GRM5: variants seen among roughly 807,000 people sequenced by gnomAD.
GRM5 encodes glutamate metabotropic receptor 5.
A neutral mutation model predicts 83.1 loss-of-function variants in GRM5; 19 were observed. That is an observed-to-expected ratio of 0.23 (90% CI 0.16 to 0.34). The LOEUF is 0.34. Among genes scored for constraint, GRM5 ranks in the 10% least tolerant of loss-of-function variants. The pLI is 1.00. For missense variants in GRM5, 1,160 were observed against 1,588.3 expected (o/e 0.73, Z 4.58); for synonymous variants, 675 against 633.6 (o/e 1.07, Z -0.98).
At position 88,949,387 on chromosome 11, in the gene GRM5, C is replaced by A. The variant is rs142898802; in HGVS notation, c.661+97825G>T. Among the ~76,000 whole-genome samples the A allele has an allele frequency of 1.2e-3, 180 of 152,324 alleles. 4 individuals carry two copies. The East Asian group carries it at 0.032, about 27-fold the overall frequency. ...TTCATTACTGTAATTCTTATGAAGG[C>A]AATACATTGTTCTACTTGATTCCCA... On this transcript the variant is annotated intron_variant, in intron 2 of 9. Coordinates refer to ENST00000305447, the MANE Select transcript of GRM5 (RefSeq NM_001143831.3).
chr11:88,827,191 A>T (rs1943907677), intron 3 of GRM5, among the ~76,000 whole-genome samples: 1 of 152,302 alleles, frequency 6.6e-6, no homozygotes, highest in South Asian at 2.1e-4. Flanking sequence ...CTATGTAAGT[A>T]ATTTAATCAA....
intron 3 of GRM5, among the ~76,000 whole-genome samples, chr11:88,729,836 A>T (rs549589896): frequency 2.0e-5 from 3 of 152,254 alleles, no homozygotes; most frequent in African/African-American, 7.2e-5. Context: ...TATGTAGAAA[A>T]CTAAAACTGG....
intron 2 of GRM5, among the ~76,000 whole-genome samples, chr11:88,898,408 G>A (rs947880): frequency 1.3e-5 from 2 of 151,842 alleles, no homozygotes; most frequent in African/African-American, 4.8e-5. Flanking sequence ...TTTTGGAGGC[G>A]GGAACATAAT....
At chr11:88,651,314 G>A (rs926944754) in intron 4 of GRM5, among the ~76,000 whole-genome samples, 2 of 152,034 alleles carry the variant, frequency 1.3e-5, no homozygotes, top group African/African-American at 4.8e-5. Context: ...AAAGAAAGAG[G>A]GTGCAGGCCA....
chr11:88,803,953 C>CTA (rs1438232138), intron 3 of GRM5, among the ~76,000 whole-genome samples: 4 of 151,866 alleles, frequency 2.6e-5, no homozygotes, highest in African/African-American at 9.7e-5. Flanking sequence ...CATCACTGGC[C>CTA]ATCAGAGAAA....
chr11:88,536,701 C>T (rs944153483), intron 8 of GRM5, among the ~76,000 whole-genome samples: 5 of 152,096 alleles, frequency 3.3e-5, no homozygotes, highest in Non-Finnish European at 7.4e-5. Context: ...CTTTAGTGAT[C>T]ACCCAGAAAC....
chr11:88,862,044 G>A (rs1944573420), intron 2 of GRM5, among the ~76,000 whole-genome samples: 1 of 152,108 alleles, frequency 6.6e-6, no homozygotes, highest in South Asian at 2.1e-4. Context: ...GAATCATTGT[G>A]TATAGCAGCT....
At chr11:88,902,109 T>C (rs1419943428) in intron 2 of GRM5, among the ~76,000 whole-genome samples, 1 of 152,110 alleles carries the variant, frequency 6.6e-6, no homozygotes, top group Non-Finnish European at 1.5e-5. Context: ...CTTTTCTCTT[T>C]CTGGCTTAGG....
intron 3 of GRM5, among the ~76,000 whole-genome samples, chr11:88,807,638 T>A (rs1590872869): frequency 6.6e-6 from 1 of 152,076 alleles, no homozygotes. Flanking sequence ...TAACTACAAG[T>A]TATCATTGGT....
At chr11:88,988,985 G>C (rs971192643) in intron 2 of GRM5, among the ~76,000 whole-genome samples, 1 of 149,510 alleles carries the variant, frequency 6.7e-6, no homozygotes, top group African/African-American at 2.5e-5. Context: ...ACATCATAAT[G>C]ACAGGATCAA....
At chr11:88,793,439 T>A (rs911466194) in intron 3 of GRM5, among the ~76,000 whole-genome samples, 3 of 152,180 alleles carry the variant, frequency 2.0e-5, no homozygotes, top group Non-Finnish European at 4.4e-5. Context: ...AACATGGGAA[T>A]AACTCATTGA....
rs186282973 is a variant in GRM5 at position 89,032,013 on chromosome 11, A to G, written c.661+15199T>C. Among the ~76,000 whole-genome samples the G allele has an allele frequency of 3.8e-3, 583 of 152,216 alleles. 2 individuals carry two copies. The highest frequency in any genetic ancestry group is 0.013 in the African/African-American group (546 of 41,572). On this transcript the variant is annotated intron_variant, in intron 2 of 9. Transcript: ENST00000305447. ...CTGCCTATTATATACTACACATCAT[A>G]AATATTGCATACATATTTTTAAAAA...
chr11:88,566,622 G>A (rs1366156527), intron 8 of GRM5, among the ~76,000 whole-genome samples: 1 of 152,192 alleles, frequency 6.6e-6, no homozygotes, highest in East Asian at 1.9e-4. Flanking sequence ...ACGTACAAGT[G>A]CAGTCTGATG....
intron 3 of GRM5, among the ~76,000 whole-genome samples, chr11:88,717,608 T>C (rs1481268256): frequency 1.3e-5 from 2 of 151,864 alleles, no homozygotes; most frequent in African/African-American, 2.4e-5. Context: ...TCTAAGTAAA[T>C]AAATCTTTTC....
At chr11:88,956,150 A>G (rs533157595) in intron 2 of GRM5, among the ~76,000 whole-genome samples, 1 of 152,354 alleles carries the variant, frequency 6.6e-6, no homozygotes, top group South Asian at 2.1e-4. Flanking sequence ...AGATTGGCAC[A>G]GAATCCCCTC....
Position 88,670,398 on chromosome 11 carries a change from T to C in GRM5, c.912-16995A>G, listed in dbSNP as rs1321763664. 2.6e-5 allele frequency among the ~76,000 whole-genome samples: 4 copies of C among 152,096 alleles called. No individual in the cohort carries two copies. In the East Asian group the frequency reaches 7.7e-4, roughly 29 times the overall value. The stretch of plus-strand genomic sequence containing the variant: ...TCAAAATTGTTAAAAGTATCTATAA[T>C]ATAACTAATAGCTTATTTTCATCGA... On this transcript the variant is annotated intron_variant, in intron 3 of 9. Transcript: ENST00000305447.
chr11:88,555,989 G>A (rs1360571113), intron 8 of GRM5, among the ~76,000 whole-genome samples: 1 of 152,064 alleles, frequency 6.6e-6, no homozygotes, highest in African/African-American at 2.4e-5. Context: ...GAGGGAAATG[G>A]CTAAAACTCA....
chr11:89,053,960 G>A (rs1268538672), intron 1 of GRM5, among the ~76,000 whole-genome samples: 3 of 152,092 alleles, frequency 2.0e-5, no homozygotes, highest in Non-Finnish European at 4.4e-5. Flanking sequence ...TGCAGAGAAA[G>A]GAAGACATGG....
rs10525785 is a variant in GRM5, at chr11:88,854,058, G to GTATATATATATATATATATATATA, written c.662-3904_662-3903insTATATATATATATATATATATATA. Among the ~76,000 whole-genome samples the GTATATATATATATATATATATATA allele has an allele frequency of 8.9e-3, 1,076 of 120,524 alleles. 27 individuals carry two copies. Among genetic ancestry groups the GTATATATATATATATATATATATA allele is most frequent in the Admixed American group, 0.032 (373 of 11,568 alleles). The allele number at this position is 120,524 out of a possible 152,430, so 79.1% of individuals were successfully genotyped here. On this transcript the variant is annotated intron_variant, in intron 2 of 9. Coordinates refer to ENST00000305447, the MANE Select transcript of GRM5 (RefSeq NM_001143831.3). ...AGATAAATGAATTAAAAAATGTGGT[G>GTATATATATATATATATATATATA]TATATATATATATATATATACACAA...
Sources: gnomAD v4.1 joint callset for allele counts (sites outside exome capture counted in the v4.1 genomes callset) on GRCh38, gnomAD v4.1.1 for gene constraint, MANE v1.5 for transcripts, NCBI Gene and HGNC (gene_info 2026-07-23, HGNC 2026-07-21) for gene names.